HERC3: variants seen among roughly 807,000 people sequenced by gnomAD.
HERC3 encodes the protein HECT and RLD domain containing E3 ubiquitin protein ligase 3.
In HERC3, 58 loss-of-function variants were observed where a neutral mutation model predicts 129.9. The observed-to-expected ratio is 0.45, with a 90% CI of 0.36 to 0.56. The LOEUF (loss-of-function observed/expected upper bound fraction) is 0.56. Among genes scored for constraint, HERC3 ranks in the 20% least tolerant of loss-of-function variants. The pLI is 0.00. For missense variants in HERC3, 835 were observed against 1,244.2 expected (o/e 0.67, Z 4.95); for synonymous variants, 430 against 451.0 (o/e 0.95, Z 0.59).
intron 14 of HERC3, 103 bp from the exon 15 acceptor site, chr4:88,669,757 A>T: frequency 1.1e-6 from 1 of 933,950 alleles, no homozygotes; most frequent in Non-Finnish European, 1.6e-6. Context: ...ATTTTAGACT[A>T]ATGTTTATCT....
rs1428626785 is a variant in HERC3 at position 88,676,066 on chromosome 4, C to T, written c.1912-152C>T. On this transcript the variant is annotated intron_variant, in intron 16 of 25. Transcript: ENST00000402738. ...TCTGTGGCCATCAAAACATCTTTTC[C>T]CTCAAAATTTAGTCAGCCATTCAAA... The T allele has an allele frequency of 1.4e-5, 8 of 577,942 alleles. No homozygotes were observed. The East Asian group carries it at 1.8e-4, about 13-fold the overall frequency. The allele number at this position is 577,942 out of a possible 1,614,324, so 35.8% of individuals were successfully genotyped here.
chr4:88,696,028 G>A (rs1734566496), intron 23 of HERC3: 1 of 152,534 alleles, frequency 6.6e-6, no homozygotes, highest in Admixed American at 6.5e-5. Context: ...GAAGCTAAGA[G>A]TCTTTACATT....
chr4:88,660,293 CT>C (rs1474108127), intron 10 of HERC3, among the ~76,000 whole-genome samples: 4 of 152,056 alleles, frequency 2.6e-5, no homozygotes, highest in African/African-American at 9.7e-5. Flanking sequence ...CCTCCACCTC[CT>C]GGTTTCAAGC....
intron 4 of HERC3, among the ~76,000 whole-genome samples, chr4:88,650,785 A>G (rs1388709185): frequency 6.6e-6 from 1 of 152,222 alleles, no homozygotes; most frequent in Non-Finnish European, 1.5e-5. Context: ...GGATAATTGG[A>G]TGATTTATTT....
chr4:88,689,098 G>T (rs1018053792), intron 23 of HERC3, among the ~76,000 whole-genome samples: 25 of 152,134 alleles, frequency 1.6e-4, no homozygotes, highest in African/African-American at 6.0e-4. Context: ...ACTCACTCTG[G>T]ACTTTTATTG....
chr4:88,576,997 A>G, the HERC3 span, among the ~76,000 whole-genome samples: 3 of 151,924 alleles, frequency 2.0e-5, no homozygotes, highest in African/African-American at 7.2e-5. Flanking sequence ...TTTCCCTCCA[A>G]TTTTTGGCCA....
At chr4:88,649,614 T>C (rs760948721) in intron 3 of HERC3, among the ~76,000 whole-genome samples, 4 of 152,200 alleles carry the variant, frequency 2.6e-5, no homozygotes, top group Non-Finnish European at 5.9e-5. Flanking sequence ...TGTGCTACTA[T>C]AGTTATAGTA....
chr4:88,609,970 C>T (rs765573775), intron 3 of HERC3, among the ~76,000 whole-genome samples: 8 of 152,242 alleles, frequency 5.3e-5, no homozygotes, highest in Admixed American at 2.0e-4. Context: ...AACTTCCTGC[C>T]GTTGCCATGG....
Position 88,656,428 on chromosome 4 carries a change from T to A in HERC3, c.1069+393T>A, listed in dbSNP as rs75852892. The A allele has an allele frequency of 6.2e-4, 109 of 174,892 alleles. 1 individual carries two copies. The highest frequency in any genetic ancestry group is 2.3e-3 in the African/African-American group (98 of 42,308). The allele number at this position is 174,892 out of a possible 1,614,324, so 10.8% of individuals were successfully genotyped here. On this transcript the variant is annotated intron_variant, in intron 9 of 25. Coordinates refer to ENST00000402738, the MANE Select transcript of HERC3 (RefSeq NM_014606.3). ...CAGAAGGCAAAGAAGGAGCAGACAC[T>A]TCACATGGCAGAAGCAGGAGCAAGA...
rs1359900655 is a variant in HERC3, at chr4:88,653,032, A to G, written c.627A>G (p.Gly209=). Residue 209 remains glycine, a synonymous_variant, in exon 6 of 26, where the codon GGA becomes GGG. Coordinates refer to ENST00000402738, the MANE Select transcript of HERC3 (RefSeq NM_014606.3). ...GAHSFALSLS[G]AVFGWGMNNA... is the part of the protein sequence containing the mutation. ...ACAGCTTTGCCCTGTCTCTCTCAGG[A>G]GCTGTTTTTGGCTGGGGGATGAATA... 1 of 1,614,132 alleles carries G rather than the reference A, an allele frequency of 6.2e-7. No homozygotes were observed. The highest frequency in any genetic ancestry group is 8.5e-7 in the Non-Finnish European group (1 of 1,180,014).
chr4:88,544,910 A>G, the HERC3 span, among the ~76,000 whole-genome samples: 3 of 152,108 alleles, frequency 2.0e-5, no homozygotes, highest in African/African-American at 7.2e-5. Flanking sequence ...GTGGGGTGGG[A>G]TGCTGGGGGA....
intron 23 of HERC3, among the ~76,000 whole-genome samples, chr4:88,692,127 C>T (rs1027291546): frequency 1.3e-5 from 2 of 152,174 alleles, no homozygotes; most frequent in African/African-American, 2.4e-5. Context: ...ACAAATCTTG[C>T]CACCAGCTGG....
chr4:88,705,818 T>C (rs965601366), intron 25 of HERC3, among the ~76,000 whole-genome samples: 1 of 152,236 alleles, frequency 6.6e-6, no homozygotes, highest in African/African-American at 2.4e-5. Flanking sequence ...TTAGTATTAA[T>C]GTAGGACTTA....
the HERC3 span, among the ~76,000 whole-genome samples, chr4:88,557,705 A>T: frequency 6.6e-6 from 1 of 152,190 alleles, no homozygotes; most frequent in Non-Finnish European, 1.5e-5. Flanking sequence ...TTACAATGCT[A>T]GTTGGAGTGT....
upstream of HERC3, among the ~76,000 whole-genome samples, chr4:88,591,386 C>A (rs28436223): frequency 6.6e-6 from 1 of 151,978 alleles, no homozygotes; most frequent in Non-Finnish European, 1.5e-5. Context: ...ATACACCACT[C>A]CTTGAAACTT....
intron 23 of HERC3, chr4:88,697,293 C>G: frequency 6.2e-7 from 1 of 1,605,330 alleles, no homozygotes; most frequent in South Asian, 1.1e-5. Context: ...CCTCCTCCTC[C>G]TCGTCTTCCC....
intron 1 of HERC3, chr4:88,593,215 C>T (rs1265725453): frequency 6.6e-6 from 1 of 152,112 alleles, no homozygotes; most frequent in Non-Finnish European, 1.5e-5. Flanking sequence ...GGTCCGCCTC[C>T]TGGGCGGGGC....
chr4:88,651,004 G>C (rs914301009), intron 4 of HERC3, among the ~76,000 whole-genome samples: 2 of 152,128 alleles, frequency 1.3e-5, no homozygotes, highest in African/African-American at 4.8e-5. Context: ...ATTTGATTCA[G>C]TTCTTGATTT....
At position 88,652,972 on chromosome 4, in the gene HERC3, G is replaced by A. The variant is rs1160751379; in HGVS notation, c.567G>A (p.Gly189=). The A allele has an allele frequency of 6.2e-7, 1 of 1,614,098 alleles. No individual in the cohort carries two copies. The highest frequency in any genetic ancestry group is 8.5e-7 in the Non-Finnish European group (1 of 1,180,044). Residue 189 remains glycine (G), a synonymous_variant, in exon 6 of 26, where the codon GGG becomes GGA. Coordinates refer to ENST00000402738, the MANE Select transcript of HERC3 (RefSeq NM_014606.3). ...ASPQRVRSLE[G]IPLAQVAAGG... ...CACAGAGGGTGAGGTCCCTGGAGGGGATCCCACTGGCTCAGGTGGCTGCCG... is the reference window on the plus strand; with the variant it reads ...CACAGAGGGTGAGGTCCCTGGAGGGAATCCCACTGGCTCAGGTGGCTGCCG...
Sources: gnomAD v4.1 joint callset for allele counts (sites outside exome capture counted in the v4.1 genomes callset) on GRCh38, gnomAD v4.1.1 for gene constraint, MANE v1.5 for transcripts, NCBI Gene and HGNC (gene_info 2026-07-23, HGNC 2026-07-21) for gene names.